BNIP2: variants seen among roughly 807,000 people sequenced by gnomAD.
The protein encoded by BNIP2 is BCL2/adenovirus E1B 19 kDa protein-interacting protein 2.
Under a neutral mutation model 43.4 loss-of-function variants are expected in BNIP2, and 36 were observed. That is an observed-to-expected ratio of 0.83 (90% CI 0.64 to 1.10). BNIP2 has a LOEUF of 1.10. Ranked by LOEUF, BNIP2 falls within the 50% of genes least tolerant of loss-of-function variation. The probability of loss-of-function intolerance (pLI) is 0.00; values close to 1 mark genes in which losing one functional copy is unlikely to be tolerated. For synonymous variants in BNIP2, 146 were observed against 121.0 expected (o/e 1.21, Z -1.35); for missense variants, 417 against 374.1 (o/e 1.11, Z -0.95).
chr15:59,677,131 A>G, intron 5 of BNIP2: 3 of 1,601,724 alleles, frequency 1.9e-6, no homozygotes, highest in Non-Finnish European at 2.6e-6. Flanking sequence ...GTCATCAATG[A>G]GGCTATTTAC....
chr15:59,671,600 AC>A (rs1466287360), intron 6 of BNIP2, among the ~76,000 whole-genome samples: 1 of 152,240 alleles, frequency 6.6e-6, no homozygotes, highest in Non-Finnish European at 1.5e-5. Flanking sequence ...AGTGACTGAT[AC>A]ATGAAGATTT....
chr15:59,680,561 A>C (rs1337161906), intron 2 of BNIP2, among the ~76,000 whole-genome samples: 7 of 152,132 alleles, frequency 4.6e-5, no homozygotes, highest in Non-Finnish European at 7.3e-5. Context: ...GGTGCGTGCC[A>C]CGACGCTTGG....
rs1892158221 is a variant in BNIP2, at chr15:59,659,846, T to C, written c.*4223A>G. 6.6e-6 allele frequency: 1 copy of C among 152,230 alleles called. No homozygotes were observed. Among genetic ancestry groups the C allele is most frequent in the Non-Finnish European group, 1.5e-5 (1 of 68,026 alleles). 9.4% of individuals were successfully genotyped at this position (152,230 alleles called of 1,614,324 possible). On this transcript the variant is annotated 3_prime_UTR_variant, in exon 10 of 10. Coordinates refer to ENST00000607373, the MANE Select transcript of BNIP2 (RefSeq NM_004330.4). ...AGCATTTTACTTAGTTCTCAAAACA[T>C]AAATAGGTCTATTATAAATAGTTGC...
chr15:59,679,492 C>A, intron 4 of BNIP2, 100 bp downstream of exon 4: 1 of 1,307,596 alleles, frequency 7.6e-7, no homozygotes. Flanking sequence ...AATTTCCTAT[C>A]TTAGTAACAA....
At chr15:59,675,046 C>T (rs373350449) in intron 5 of BNIP2, among the ~76,000 whole-genome samples, 1 of 151,250 alleles carries the variant, frequency 6.6e-6, no homozygotes, top group East Asian at 2.0e-4. Flanking sequence ...GTCAGGAGTT[C>T]GAGACCAGCC....
Position 59,660,646 on chromosome 15 carries a change from T to C in BNIP2, c.*3423A>G, listed in dbSNP as rs1892206056. The C allele has an allele frequency of 6.6e-6, 1 of 152,232 alleles. No individual in the cohort carries two copies. The highest frequency in any genetic ancestry group is 1.5e-5 in the Non-Finnish European group (1 of 68,042). The allele number at this position is 152,232 out of a possible 1,614,324, so 9.4% of individuals were successfully genotyped here. A position where few individuals can be genotyped will look rare whatever the true frequency, so the allele number is the denominator to read the frequency against. On this transcript the variant is annotated 3_prime_UTR_variant, in exon 10 of 10. Coordinates refer to ENST00000607373, the MANE Select transcript of BNIP2 (RefSeq NM_004330.4). ...ATCAAAAAGCAGATCTCTTACCTTT[T>C]TAAATTCTGGAATTACGGTTAAAAA...
At chr15:59,670,365 C>T (rs1371373966) in intron 7 of BNIP2, among the ~76,000 whole-genome samples, 1 of 152,074 alleles carries the variant, frequency 6.6e-6, no homozygotes, top group East Asian at 1.9e-4. Context: ...TGGGAGGTTG[C>T]CGCTACAGTG....
chr15:59,671,444 C>T (rs541158818), intron 6 of BNIP2, 130 bp from the exon 7 acceptor site: 8 of 666,464 alleles, frequency 1.2e-5, no homozygotes, highest in Admixed American at 3.3e-5. Context: ...ATGCTCAAAC[C>T]GCATTAGCTA....
chr15:59,664,808 C>G (rs1415465456), intron 9 of BNIP2, among the ~76,000 whole-genome samples: 1 of 152,160 alleles, frequency 6.6e-6, no homozygotes, highest in Non-Finnish European at 1.5e-5. Flanking sequence ...ATTCTGTTAA[C>G]TAAAATATGA....
chr15:59,682,911 G>A (rs1196998932), intron 1 of BNIP2, among the ~76,000 whole-genome samples: 1 of 152,110 alleles, frequency 6.6e-6, no homozygotes, highest in South Asian at 2.1e-4. Flanking sequence ...GTTGATTCTA[G>A]ACCGTAAATA....
chr15:59,685,650 G>A (rs1398615474), intron 1 of BNIP2, among the ~76,000 whole-genome samples: 8 of 152,136 alleles, frequency 5.3e-5, no homozygotes, highest in Non-Finnish European at 5.9e-5. Context: ...ACATAGACAT[G>A]GATATTTAGT....
rs985190150 is a variant in BNIP2 at position 59,675,521 on chromosome 15, A to G, written c.472+2390T>C. On this transcript the variant is annotated intron_variant, in intron 5 of 9. Transcript: ENST00000607373. ...GCTACTCGGGAGACTGAGGCAGGAG[A>G]ATCCCTTGAACCGAGGAGGCAGAGG... Among the ~76,000 whole-genome samples the G allele has an allele frequency of 2.6e-5, 4 of 151,446 alleles. No individual in the cohort carries two copies. In the South Asian group the frequency reaches 8.3e-4, roughly 32 times the overall value.
At chr15:59,669,539 T>C (rs1166466777) in intron 7 of BNIP2, among the ~76,000 whole-genome samples, 177 bp from the exon 8 acceptor site, 1 of 152,244 alleles carries the variant, frequency 6.6e-6, no homozygotes, top group East Asian at 1.9e-4. Context: ...TCCCTCCTAC[T>C]GCTATGAAAT....
At chr15:59,689,060 C>T in intron 1 of BNIP2, 75 bp downstream of exon 1, 2 of 1,470,594 alleles carry the variant, frequency 1.4e-6, no homozygotes, top group South Asian at 2.7e-5. Flanking sequence ...ACGCGCCCGA[C>T]AGACTTTCGC....
At chr15:59,680,405 T>C in intron 2 of BNIP2, 97 bp from the exon 3 acceptor site, 1 of 950,122 alleles carries the variant, frequency 1.1e-6, no homozygotes, top group Non-Finnish European at 1.5e-6. Context: ...AAATAATTAT[T>C]TGGAAAATGG....
chr15:59,672,614 G>T (rs773585405), intron 6 of BNIP2, 23 bp downstream of exon 6: 13 of 1,544,460 alleles, frequency 8.4e-6, no homozygotes, highest in African/African-American at 1.4e-5. Context: ...CTGTCCAAAT[G>T]TTTTTGTTTA....
rs914094336 is a variant in BNIP2 at position 59,661,396 on chromosome 15, A to C, written c.*2673T>G. ...CATCTTAGGTAACAACTATGTCTTT[A>C]TCTCTTTATAAAGGTTTGCTTTCTC... On this transcript the variant is annotated 3_prime_UTR_variant, in exon 10 of 10. Transcript: ENST00000607373. The C allele has an allele frequency of 4.0e-5, 6 of 149,972 alleles. No homozygotes were observed. The highest frequency in any genetic ancestry group is 1.3e-4 in the Admixed American group (2 of 15,022). The allele number at this position is 149,972 out of a possible 1,614,324, so 9.3% of individuals were successfully genotyped here.
Position 59,663,988 on chromosome 15 carries a change from G to C in BNIP2, c.*81C>G, listed in dbSNP as rs1566950310. The C allele has an allele frequency of 9.2e-7, 1 of 1,086,516 alleles. No individual in the cohort carries two copies. The highest frequency in any genetic ancestry group is 1.7e-5 in the South Asian group (1 of 60,094). The allele number at this position is 1,086,516 out of a possible 1,614,324, so 67.3% of individuals were successfully genotyped here. ...TGTAACAGGTTACATAAAAATATGGGCCAATAAATGCATTATGAATGCAGA... is the reference window on the plus strand; with the variant it reads ...TGTAACAGGTTACATAAAAATATGGCCCAATAAATGCATTATGAATGCAGA... On this transcript the variant is annotated 3_prime_UTR_variant, in exon 10 of 10. Coordinates refer to ENST00000607373, the MANE Select transcript of BNIP2 (RefSeq NM_004330.4).
chr15:59,684,354 G>A (rs1161042276), intron 1 of BNIP2, among the ~76,000 whole-genome samples: 2 of 152,088 alleles, frequency 1.3e-5, no homozygotes, highest in Non-Finnish European at 2.9e-5. Context: ...AATGATCTAG[G>A]CAGTTTTTAT....
Sources: gnomAD v4.1 joint callset for allele counts (sites outside exome capture counted in the v4.1 genomes callset) on GRCh38, gnomAD v4.1.1 for gene constraint, MANE v1.5 for transcripts, NCBI Gene and HGNC (gene_info 2026-07-23, HGNC 2026-07-21) for gene names.